CLASP2: variants seen among roughly 807,000 people sequenced by gnomAD.
CLASP2 encodes the protein cytoplasmic linker associated protein 2.
Under a neutral mutation model 194.4 loss-of-function variants are expected in CLASP2, and 47 were observed. The observed-to-expected ratio is 0.24, with a 90% CI of 0.19 to 0.31. The LOEUF is 0.31. Ranked by LOEUF, CLASP2 falls within the 10% of genes least tolerant of loss-of-function variation. The pLI is 1.00. For missense variants in CLASP2, 1,445 were observed against 1,823.6 expected, an observed-to-expected ratio of 0.79 and a Z score of 3.78; for synonymous variants, 619 against 633.5, an observed-to-expected ratio of 0.98 and a Z score of 0.34.
intron 12 of CLASP2, among the ~76,000 whole-genome samples, chr3:33,619,088 A>C (rs1349143459): frequency 6.6e-6 from 1 of 152,194 alleles, no homozygotes; most frequent in East Asian, 1.9e-4. Context: ...ATATTACCGT[A>C]CTGAACACTC....
intron 6 of CLASP2, among the ~76,000 whole-genome samples, chr3:33,667,406 C>CAAAAAAAAAAAAAAAAAAAAAAAAAA (rs537846651): frequency 2.3e-5 from 1 of 44,130 alleles, no homozygotes; most frequent in African/African-American, 1.1e-4. Context: ...GAGACTATCT[C>CAAAAAAAAAAAAAAAAAAAAAAAAAA]AAAAAAAAAA....
At chr3:33,612,855 T>C (rs79696389) in intron 12 of CLASP2, among the ~76,000 whole-genome samples, 2,438 of 151,952 alleles carry the variant, frequency 0.016, 22 homozygotes, top group South Asian at 0.032. Flanking sequence ...CTCATGAAGA[T>C]AGAGAATAGG....
intron 30 of CLASP2, among the ~76,000 whole-genome samples, chr3:33,549,218 T>C (rs1362494978): frequency 6.6e-6 from 1 of 152,258 alleles, no homozygotes; most frequent in East Asian, 1.9e-4. Flanking sequence ...CCAGTCTCTA[T>C]TTCATTAACT....
intron 1 of CLASP2, among the ~76,000 whole-genome samples, chr3:33,708,132 T>C (rs2092781527): frequency 6.6e-6 from 1 of 152,112 alleles, no homozygotes. Flanking sequence ...ACATTAACTA[T>C]AGTCACCATA....
chr3:33,652,861 T>C lies in CLASP2; in HGVS notation c.716-7958A>G, dbSNP rs564205415. Among the ~76,000 whole-genome samples, 16 of 152,332 alleles carry C rather than the reference T, an allele frequency of 1.1e-4. No individual in the cohort carries two copies. The South Asian group carries it at 2.3e-3, about 22-fold the overall frequency. ...GCTCATAATGTGCTCAAGTTTTCCT[T>C]TGACCCACAGAGATCGTCTACCAAC... is the stretch of plus-strand genomic sequence containing the variant. On this transcript the variant is annotated intron_variant, in intron 7 of 38. Coordinates refer to ENST00000682230, the MANE Select transcript of CLASP2 (RefSeq NM_001365631.1).
intron 29 of CLASP2, 132 bp downstream of exon 29, chr3:33,559,175 T>C (rs776781246): frequency 1.4e-6 from 1 of 720,452 alleles, no homozygotes. Flanking sequence ...GGCTTGACTG[T>C]CTGAAAGTTT....
chr3:33,641,621 A>T (rs2081310156), intron 8 of CLASP2, among the ~76,000 whole-genome samples: 1 of 152,044 alleles, frequency 6.6e-6, no homozygotes, highest in African/African-American at 2.4e-5. Context: ...TATGAGCTTT[A>T]ATTAACTGGA....
chr3:33,697,409 T>C (rs1383134529), intron 1 of CLASP2, among the ~76,000 whole-genome samples: 2 of 152,244 alleles, frequency 1.3e-5, no homozygotes, highest in Non-Finnish European at 2.9e-5. Context: ...CAAAATACTC[T>C]AGGCAACTGA....
At chr3:33,607,613 A>T (rs150925315) in intron 14 of CLASP2, among the ~76,000 whole-genome samples, 152 bp from the exon 15 acceptor site, 1 of 152,174 alleles carries the variant, frequency 6.6e-6, no homozygotes, top group East Asian at 1.9e-4. Context: ...TAAGACCATA[A>T]GATTTTCTAA....
intron 32 of CLASP2, among the ~76,000 whole-genome samples, chr3:33,541,823 G>T (rs1379698239): frequency 6.6e-6 from 1 of 152,130 alleles, no homozygotes; most frequent in Non-Finnish European, 1.5e-5. Context: ...CTTTATAACA[G>T]AATGATTTAT....
chr3:33,590,394 T>C lies in CLASP2; in HGVS notation c.2068+2001A>G, dbSNP rs182983333. The stretch of plus-strand genomic sequence containing the variant: ...AATCACTTGATGATCTTGTTAAAGA[T>C]TGGATTCAGTAGAGCTGTAATGGCA... On this transcript the variant is annotated intron_variant, in intron 21 of 38. Coordinates refer to ENST00000682230, the MANE Select transcript of CLASP2 (RefSeq NM_001365631.1). Among the ~76,000 whole-genome samples, 1,237 of 152,260 alleles carry C rather than the reference T, an allele frequency of 8.1e-3. 12 individuals carry two copies. The highest frequency in any genetic ancestry group is 0.048 in the Middle Eastern group (14 of 294).
intron 34 of CLASP2, 85 bp downstream of exon 34, chr3:33,535,148 T>C: frequency 3.4e-6 from 3 of 892,220 alleles, no homozygotes; most frequent in South Asian, 1.7e-5. Context: ...TTGGGAGTTA[T>C]AATAAAAAAG....
At chr3:33,550,661 G>A (rs1396772096) in intron 30 of CLASP2, among the ~76,000 whole-genome samples, 3 of 151,434 alleles carry the variant, frequency 2.0e-5, no homozygotes, top group Non-Finnish European at 4.4e-5. Flanking sequence ...AAAAAAAGTA[G>A]GCAAATGAAA....
intron 23 of CLASP2, among the ~76,000 whole-genome samples, chr3:33,579,470 C>T (rs965972994): frequency 6.6e-6 from 1 of 152,146 alleles, no homozygotes; most frequent in Non-Finnish European, 1.5e-5. Context: ...TTTCTAGGAA[C>T]GTGCAATATC....
At chr3:33,650,702 A>T (rs971268784) in intron 7 of CLASP2, among the ~76,000 whole-genome samples, 1 of 152,018 alleles carries the variant, frequency 6.6e-6, no homozygotes, top group African/African-American at 2.4e-5. Flanking sequence ...ATGGAGGGGA[A>T]GAGGAGGTGG....
chr3:33,584,694 GAAAAAA>G, intron 22 of CLASP2, 50 bp downstream of exon 22: 1 of 1,039,412 alleles, frequency 9.6e-7, no homozygotes. Flanking sequence ...GCCAAAGCCT[GAAAAAA>G]AAAAAAAAAG....
At chr3:33,711,419 T>C (rs1387482748) in intron 1 of CLASP2, among the ~76,000 whole-genome samples, 1 of 151,424 alleles carries the variant, frequency 6.6e-6, no homozygotes, top group Non-Finnish European at 1.5e-5. Flanking sequence ...CTAATTTTTT[T>C]ATTTCTTTTT....
intron 8 of CLASP2, among the ~76,000 whole-genome samples, chr3:33,640,033 C>T (rs1011707664): frequency 1.3e-5 from 2 of 152,088 alleles, no homozygotes; most frequent in Admixed American, 6.5e-5. Flanking sequence ...TAATCTTTAA[C>T]GCCCCTTTAA....
intron 8 of CLASP2, among the ~76,000 whole-genome samples, chr3:33,636,531 G>A (rs2080171834): frequency 6.6e-6 from 1 of 152,136 alleles, no homozygotes; most frequent in African/African-American, 2.4e-5. Flanking sequence ...AAAGATGAAT[G>A]AGAATATAAA....
Sources: allele counts gnomAD v4.1 joint callset (sites outside exome capture counted in the v4.1 genomes callset), GRCh38; gene constraint gnomAD v4.1.1; transcripts MANE v1.5; gene names NCBI Gene and HGNC (gene_info 2026-07-23, HGNC 2026-07-21).